Variants in SGCG observed in about 807,000 individuals in gnomAD.
SGCG encodes the protein gamma-sarcoglycan.
A neutral mutation model predicts 29.3 loss-of-function variants in SGCG; 26 were observed. That is an observed-to-expected ratio of 0.89 (90% CI 0.65 to 1.23). The LOEUF (loss-of-function observed/expected upper bound fraction) is 1.23, where lower values mean the gene tolerates loss of function less well. Among genes scored for constraint, SGCG ranks in the 50% most tolerant of loss-of-function variants. SGCG has a pLI of 0.00. For missense variants in SGCG, 353 were observed against 356.0 expected (o/e 0.99, Z 0.07); for synonymous variants, 145 against 129.7 (o/e 1.12, Z -0.80).
intron 6 of SGCG, among the ~76,000 whole-genome samples, chr13:23,298,078 G>T (rs920292415): frequency 6.7e-6 from 1 of 149,614 alleles, no homozygotes; most frequent in Non-Finnish European, 1.5e-5. Context: ...TTATACAGCC[G>T]GCCATGGTGG....
chr13:23,176,279 C>T (rs1361001), upstream of SGCG, among the ~76,000 whole-genome samples: 102,541 of 151,404 alleles, frequency 0.68, 34,939 homozygotes, highest in East Asian at 0.79. Flanking sequence ...CGGCTCACTA[C>T]ATGTAGACAT....
At chr13:23,162,561 G>A in the SGCG span, among the ~76,000 whole-genome samples, 1 of 152,176 alleles carries the variant, frequency 6.6e-6, no homozygotes, top group Non-Finnish European at 1.5e-5. Context: ...GGGAGGCGGA[G>A]CTTGCAGTGA....
intron 6 of SGCG, among the ~76,000 whole-genome samples, chr13:23,299,029 G>A (rs2137650919): frequency 6.6e-6 from 1 of 152,254 alleles, no homozygotes; most frequent in East Asian, 1.9e-4. Context: ...ACTGTGCTCA[G>A]TGCTGTCACA....
At chr13:23,234,480 T>A in intron 2 of SGCG, 131 bp from the exon 3 acceptor site, 1 of 410,074 alleles carries the variant, frequency 2.4e-6, no homozygotes, top group East Asian at 4.8e-5. Flanking sequence ...AAGTTTTAAA[T>A]ACACTAGGAG....
rs1593098040 is a variant in SGCG, at chr13:23,299,427, T to C, written c.578+3940T>C. On this transcript the variant is annotated intron_variant, in intron 6 of 7. Coordinates refer to ENST00000218867, the MANE Select transcript of SGCG (RefSeq NM_000231.3). ...GTTGGCATATATATATATATATATA[T>C]ATATATATATATATATATATATATA... Among the ~76,000 whole-genome samples the C allele has an allele frequency of 2.2e-4, 3 of 13,530 alleles. No homozygotes were observed. The South Asian group carries it at 7.2e-3, about 32-fold the overall frequency. The allele number at this position is 13,530 out of a possible 152,430, so 8.9% of individuals were successfully genotyped here.
In SGCG at chr13:23,274,118, T is replaced by C. The variant is rs1047980305; in HGVS notation, c.386-5241T>C. Among the ~76,000 whole-genome samples the C allele has an allele frequency of 9.8e-5, 15 of 152,342 alleles. 1 individual carries two copies. The highest frequency in any genetic ancestry group is 3.6e-4 in the African/African-American group (15 of 41,592). ...TTAGCATTAAAAATCTTTTTTGTCA[T>C]ATTTAACGCTTTTGACTTGAATTCC... On this transcript the variant is annotated intron_variant, in intron 4 of 7. Transcript: ENST00000218867.
intron 2 of SGCG, among the ~76,000 whole-genome samples, chr13:23,232,375 A>G (rs542587597): frequency 6.6e-6 from 1 of 152,350 alleles, no homozygotes; most frequent in Admixed American, 6.5e-5. Context: ...TCAGGGTAAC[A>G]TATCTCTATC....
intron 7 of SGCG, among the ~76,000 whole-genome samples, chr13:23,321,085 C>CTAT (rs1388229608): frequency 6.6e-6 from 1 of 152,070 alleles, no homozygotes; most frequent in Non-Finnish European, 1.5e-5. Flanking sequence ...GTCCATTTTG[C>CTAT]CATTTCCTAG....
At chr13:23,201,992 G>C (rs543194279) in intron 1 of SGCG, among the ~76,000 whole-genome samples, 2 of 152,340 alleles carry the variant, frequency 1.3e-5, no homozygotes, top group South Asian at 4.1e-4. Flanking sequence ...AGGCTGCTTT[G>C]AGGAGATGGC....
At chr13:23,311,532 C>T (rs1444242455) in intron 6 of SGCG, among the ~76,000 whole-genome samples, 1 of 152,232 alleles carries the variant, frequency 6.6e-6, no homozygotes, top group East Asian at 1.9e-4. Flanking sequence ...TTTCTTCAGC[C>T]TTCACCTATA....
At chr13:23,163,251 T>G in the SGCG span, among the ~76,000 whole-genome samples, 1 of 152,200 alleles carries the variant, frequency 6.6e-6, no homozygotes, top group African/African-American at 2.4e-5. Flanking sequence ...CTTAGCAACA[T>G]GCATTTTGAC....
intron 2 of SGCG, among the ~76,000 whole-genome samples, chr13:23,232,110 T>C (rs1321456265): frequency 2.8e-5 from 4 of 144,238 alleles, no homozygotes; most frequent in Non-Finnish European, 4.6e-5. Flanking sequence ...CAGAGCGAGA[T>C]TCCATAAAGA....
At chr13:23,253,985 G>T (rs1880081674) in intron 4 of SGCG, among the ~76,000 whole-genome samples, 1 of 152,222 alleles carries the variant, frequency 6.6e-6, no homozygotes, top group Admixed American at 6.5e-5. Context: ...ACAGCCTGCA[G>T]AATTGTGAGC....
chr13:23,182,015 A>G (rs1320778207), intron 1 of SGCG, among the ~76,000 whole-genome samples: 1 of 152,210 alleles, frequency 6.6e-6, no homozygotes, highest in Non-Finnish European at 1.5e-5. Context: ...TTCATTTCAG[A>G]TTGTCTTTCA....
In SGCG at chr13:23,182,204, G is replaced by A. The variant is rs74445285; in HGVS notation, c.-1+1129G>A. ...CATTAAACTAAGTTGTTATTAAATT[G>A]CATTAAAAATTAAATGATAGTTGTA... On this transcript the variant is annotated intron_variant, in intron 1 of 7. Transcript: ENST00000218867. Among the ~76,000 whole-genome samples the A allele has an allele frequency of 2.4e-4, 36 of 152,272 alleles. No homozygotes were observed. The East Asian group carries it at 5.4e-3, about 23-fold the overall frequency.
At position 23,203,760 on chromosome 13, in the gene SGCG, T is replaced by C. The variant is rs376410504; in HGVS notation, c.66T>C (p.Tyr22=). 5 of 1,613,950 alleles carry C rather than the reference T, an allele frequency of 3.1e-6. No homozygotes were observed. Among genetic ancestry groups the C allele is most frequent in the Admixed American group, 3.3e-5 (2 of 59,998 alleles). Residue 22 remains tyrosine, a synonymous_variant, in exon 2 of 8, where the codon TAT becomes TAC. Coordinates refer to ENST00000218867, the MANE Select transcript of SGCG (RefSeq NM_000231.3). ...GICIERPENQ[Y]VYKIGIYGWR... ...GCATAGAGAGGCCAGAGAATCAGTA[T>C]GTCTACAAAATTGGCATTTATGGCT...
chr13:23,166,483 C>G, the SGCG span, among the ~76,000 whole-genome samples: 2 of 152,196 alleles, frequency 1.3e-5, no homozygotes, highest in Non-Finnish European at 2.9e-5. Context: ...CCTGAGCCAC[C>G]GTGCCCAGCC....
At chr13:23,235,184 A>G (rs536151704) in intron 3 of SGCG, among the ~76,000 whole-genome samples, 52 of 152,110 alleles carry the variant, frequency 3.4e-4, no homozygotes, top group African/African-American at 1.2e-3. Context: ...ACATGGATAA[A>G]CCCCGTCTCT....
intron 1 of SGCG, among the ~76,000 whole-genome samples, chr13:23,197,260 G>A (rs1002635271): frequency 5.3e-5 from 8 of 152,016 alleles, no homozygotes; most frequent in African/African-American, 7.2e-5. Flanking sequence ...TACTGGTCAC[G>A]GTCACCTAGT....
Sources: allele counts gnomAD v4.1 joint callset (sites outside exome capture counted in the v4.1 genomes callset), GRCh38; gene constraint gnomAD v4.1.1; transcripts MANE v1.5; gene names NCBI Gene and HGNC (gene_info 2026-07-23, HGNC 2026-07-21).